Variants in CDKAL1 observed in about 807,000 individuals in gnomAD.
CDKAL1 encodes the protein CDKAL1 threonylcarbamoyladenosine tRNA methylthiotransferase, also known as threonylcarbamoyladenosine tRNA methylthiotransferase.
In CDKAL1, 32 loss-of-function variants were observed where a neutral mutation model predicts 68.2. The ratio of observed to expected loss-of-function variants is 0.47; its 90% CI spans 0.35 to 0.63. The LOEUF is 0.63. Among genes scored for constraint, CDKAL1 ranks in the 30% least tolerant of loss-of-function variants. CDKAL1 has a pLI of 0.00. For synonymous variants in CDKAL1, 234 were observed against 244.3 expected (o/e 0.96, Z 0.39); for missense variants, 606 against 696.7 (o/e 0.87, Z 1.47).
intron 5 of CDKAL1, among the ~76,000 whole-genome samples, chr6:20,694,969 A>G (rs937104297): frequency 2.0e-5 from 3 of 152,118 alleles, no homozygotes; most frequent in Admixed American, 1.3e-4. Flanking sequence ...CCCTTCCACC[A>G]TGAGTGCAGA....
At chr6:21,059,031 CA>C (rs1380734816) in intron 11 of CDKAL1, among the ~76,000 whole-genome samples, 37 of 152,214 alleles carry the variant, frequency 2.4e-4, no homozygotes, top group African/African-American at 8.9e-4. Flanking sequence ...TCTGCTGAAC[CA>C]TGGAGATTGC....
chr6:20,786,405 A>G (rs758730314), intron 8 of CDKAL1, among the ~76,000 whole-genome samples: 1 of 152,038 alleles, frequency 6.6e-6, no homozygotes, highest in African/African-American at 2.4e-5. Context: ...TAGGGAGTCA[A>G]CATGTGCATG....
intron 6 of CDKAL1, among the ~76,000 whole-genome samples, chr6:20,740,320 A>G (rs148786705): frequency 4.6e-4 from 70 of 152,112 alleles, no homozygotes; most frequent in Middle Eastern, 3.4e-3. Flanking sequence ...TTGTTAGCAT[A>G]CTTTTTTTTG....
intron 13 of CDKAL1, among the ~76,000 whole-genome samples, chr6:21,153,381 A>G (rs1403696722): frequency 2.6e-5 from 4 of 151,718 alleles, no homozygotes; most frequent in African/African-American, 9.7e-5. Context: ...TTCTGCCTCT[A>G]TTCTGATAAG....
At chr6:21,083,087 A>C (rs980022562) in intron 12 of CDKAL1, among the ~76,000 whole-genome samples, 1 of 152,050 alleles carries the variant, frequency 6.6e-6, no homozygotes, top group African/African-American at 2.4e-5. Context: ...AGTGGTCGCA[A>C]ACTCCTGAGC....
intron 10 of CDKAL1, among the ~76,000 whole-genome samples, chr6:20,979,482 A>T (rs1480586248): frequency 1.3e-5 from 2 of 152,108 alleles, no homozygotes; most frequent in East Asian, 3.9e-4. Context: ...TTCTAGAGTG[A>T]GGATAACATT....
At chr6:20,896,103 C>CTTTTTTTTTTTTTTTT (rs777787310) in intron 9 of CDKAL1, among the ~76,000 whole-genome samples, 8 of 90,152 alleles carry the variant, frequency 8.9e-5, no homozygotes, top group South Asian at 3.7e-4. Flanking sequence ...CTTTTCTTTT[C>CTTTTTTTTTTTTTTTT]TTTTTTTTTT....
chr6:20,924,807 AC>A, intron 9 of CDKAL1, among the ~76,000 whole-genome samples: 2 of 152,360 alleles, frequency 1.3e-5, no homozygotes, highest in Admixed American at 1.3e-4. Flanking sequence ...AAGGTCTAAG[AC>A]CATCGATGAA....
At chr6:20,979,041 A>C (rs886151108) in intron 10 of CDKAL1, among the ~76,000 whole-genome samples, 1 of 152,238 alleles carries the variant, frequency 6.6e-6, no homozygotes, top group East Asian at 1.9e-4. Context: ...CTTTTGGTTA[A>C]CTGATCATTA....
At chr6:21,187,987 A>G (rs1778081192) in intron 13 of CDKAL1, among the ~76,000 whole-genome samples, 1 of 152,204 alleles carries the variant, frequency 6.6e-6, no homozygotes, top group Non-Finnish European at 1.5e-5. Flanking sequence ...TTCGTTGAAA[A>G]TTAAGTGAAA....
intron 4 of CDKAL1, among the ~76,000 whole-genome samples, chr6:20,623,374 T>C (rs6922571): frequency 0.49 from 74,214 of 151,950 alleles, 18,285 homozygotes; most frequent in East Asian, 0.64. Context: ...ATATTTGGAA[T>C]AGGATATGAC....
chr6:20,706,040 G>A (rs1189692027), intron 5 of CDKAL1, among the ~76,000 whole-genome samples: 1 of 152,166 alleles, frequency 6.6e-6, no homozygotes, highest in Non-Finnish European at 1.5e-5. Context: ...GCCACAGAAA[G>A]CCAAGGTGAT....
chr6:20,869,918 T>C (rs1005486645), intron 9 of CDKAL1, among the ~76,000 whole-genome samples: 1 of 152,162 alleles, frequency 6.6e-6, no homozygotes, highest in Non-Finnish European at 1.5e-5. Context: ...CGATCTAGCA[T>C]CTGTGATTGT....
chr6:20,886,457 A>G, intron 9 of CDKAL1, among the ~76,000 whole-genome samples: 1 of 152,242 alleles, frequency 6.6e-6, no homozygotes, highest in African/African-American at 2.4e-5. Flanking sequence ...TTGCAGCGAT[A>G]TTTGCAATAG....
At chr6:20,912,280 T>C (rs1295737213) in intron 9 of CDKAL1, among the ~76,000 whole-genome samples, 1 of 152,156 alleles carries the variant, frequency 6.6e-6, no homozygotes, top group Non-Finnish European at 1.5e-5. Context: ...TGAACTGGAG[T>C]TAAACTTGAC....
At chr6:20,570,194 CTT>C in intron 4 of CDKAL1, among the ~76,000 whole-genome samples, 1 of 152,018 alleles carries the variant, frequency 6.6e-6, no homozygotes, top group Non-Finnish European at 1.5e-5. Context: ...ACCTCTGCCT[CTT>C]GGGTTCAAGC....
intron 9 of CDKAL1, among the ~76,000 whole-genome samples, chr6:20,847,537 C>A (rs1281343068): frequency 3.3e-5 from 5 of 152,138 alleles, no homozygotes; most frequent in African/African-American, 1.2e-4. Flanking sequence ...TTTCTAAGTG[C>A]AACTGCATAT....
At chr6:20,691,123 A>G (rs1356476326) in intron 5 of CDKAL1, among the ~76,000 whole-genome samples, 3 of 152,156 alleles carry the variant, frequency 2.0e-5, no homozygotes, top group African/African-American at 7.2e-5. Context: ...CGACCCCACA[A>G]ACACCCCGCA....
At chr6:20,752,240 T>TG (rs1773955968) in intron 6 of CDKAL1, among the ~76,000 whole-genome samples, 1 of 151,462 alleles carries the variant, frequency 6.6e-6, no homozygotes, top group South Asian at 2.1e-4. Flanking sequence ...GTACTTACAT[T>TG]TTTTTTTTAA....
Sources: allele counts gnomAD v4.1 joint callset (sites outside exome capture counted in the v4.1 genomes callset), GRCh38; gene constraint gnomAD v4.1.1; transcripts MANE v1.5; gene names NCBI Gene and HGNC (gene_info 2026-07-23, HGNC 2026-07-21).